Variants in RASA3 observed in about 807,000 individuals in gnomAD.
RASA3 encodes the protein ras GTPase-activating protein 3.
A neutral mutation model predicts 110.0 loss-of-function variants in RASA3; 73 were observed. The ratio of observed to expected loss-of-function variants is 0.66; its 90% CI spans 0.55 to 0.81. The LOEUF (loss-of-function observed/expected upper bound fraction) is 0.81, where lower values mean the gene tolerates loss of function less well. Ranked by LOEUF, RASA3 falls within the 30% of genes least tolerant of loss-of-function variation. The pLI is 0.00. For synonymous variants in RASA3, 500 were observed against 451.4 expected (o/e 1.11, Z -1.37); for missense variants, 976 against 1,113.2 (o/e 0.88, Z 1.75).
rs1230901052 is a variant in RASA3, at chr13:114,010,504, G to C, written c.1590+667C>G. Among the ~76,000 whole-genome samples the C allele has an allele frequency of 5.9e-5, 9 of 151,500 alleles. No homozygotes were observed. In the East Asian group the frequency reaches 1.8e-3, roughly 30 times the overall value. The stretch of plus-strand genomic sequence containing the variant: ...CAGATGCCTGAGGGACTCCTGACCT[G>C]GTGGCACCAGATCCAGTCTGAAGGG... On this transcript the variant is annotated intron_variant, in intron 16 of 23. Transcript: ENST00000334062.
intron 21 of RASA3, among the ~76,000 whole-genome samples, chr13:113,994,326 T>C (rs1428141565): frequency 2.0e-5 from 3 of 152,224 alleles, no homozygotes; most frequent in Non-Finnish European, 4.4e-5. Context: ...CACTTATTCA[T>C]GTTCAACCAT....
chr13:114,042,653 G>A (rs576324129), intron 3 of RASA3, among the ~76,000 whole-genome samples: 3 of 152,350 alleles, frequency 2.0e-5, no homozygotes, highest in African/African-American at 7.2e-5. Context: ...CTCACGCCAG[G>A]ACAGCGCAGC....
intron 1 of RASA3, among the ~76,000 whole-genome samples, chr13:114,130,689 G>C (rs951733144): frequency 1.3e-5 from 2 of 152,222 alleles, no homozygotes; most frequent in African/African-American, 4.8e-5. Context: ...GCCGTGGCCT[G>C]AAGTGTAGCC....
intron 4 of RASA3, among the ~76,000 whole-genome samples, chr13:114,040,302 G>A (rs1594370617): frequency 1.3e-5 from 2 of 148,914 alleles, no homozygotes; most frequent in African/African-American, 2.5e-5. Context: ...GGCAGAGACC[G>A]CGCTCACTCC....
At chr13:114,113,955 G>C (rs1344711178) in intron 1 of RASA3, among the ~76,000 whole-genome samples, 1 of 53,562 alleles carries the variant, frequency 1.9e-5, no homozygotes, top group Non-Finnish European at 3.4e-5. Flanking sequence ...CTCACACCGC[G>C]TCCATCAGTC....
chr13:114,048,083 A>G lies in RASA3; in HGVS notation c.277+3969T>C, dbSNP rs530276394. On this transcript the variant is annotated intron_variant, in intron 3 of 23. Transcript: ENST00000334062. This position sits in a 1 kb window ranked among gnomAD's most constrained non-coding sequence, Gnocchi z 4.3. ...GTAATCCCAGCACTTTGGGAGGCCG[A>G]GGTGGGCGGATCACGAGGTCAGGAG... 5.9e-5 allele frequency among the ~76,000 whole-genome samples: 9 copies of G among 152,302 alleles called. No individual in the cohort carries two copies. The highest frequency in any genetic ancestry group is 8.8e-5 in the Non-Finnish European group (6 of 68,014).
intron 15 of RASA3, among the ~76,000 whole-genome samples, chr13:114,012,820 T>C (rs1322128556): frequency 1.4e-5 from 1 of 72,490 alleles, no homozygotes. Context: ...CACTCCTCAT[T>C]CCACAAACAC....
chr13:114,119,396 G>A (rs567476524), intron 1 of RASA3, among the ~76,000 whole-genome samples: 1 of 152,158 alleles, frequency 6.6e-6, no homozygotes, highest in East Asian at 1.9e-4. Context: ...TTCAGGAAGC[G>A]GTACGGAGGT....
chr13:114,100,589 C>T (rs1032185667), intron 1 of RASA3, among the ~76,000 whole-genome samples: 4 of 152,222 alleles, frequency 2.6e-5, no homozygotes, highest in Admixed American at 6.5e-5. Context: ...GTGCAGCAGC[C>T]GGCCCTAGCA....
intron 23 of RASA3, among the ~76,000 whole-genome samples, chr13:113,980,361 TGC>T: frequency 6.8e-6 from 1 of 146,856 alleles, no homozygotes; most frequent in East Asian, 2.1e-4. Context: ...GCCATGTGTG[TGC>T]GCCTCCTCCG....
chr13:114,007,383 T>C (rs1594309141), intron 18 of RASA3, 150 bp downstream of exon 18: 1 of 347,732 alleles, frequency 2.9e-6, no homozygotes, highest in Non-Finnish European at 4.4e-6. Context: ...ACCTTACCCT[T>C]CTCCCCTCCT....
At chr13:114,072,926 G>T (rs954543518) in intron 2 of RASA3, among the ~76,000 whole-genome samples, 3 of 135,242 alleles carry the variant, frequency 2.2e-5, no homozygotes, top group African/African-American at 3.3e-5. Flanking sequence ...ACACGCTCAG[G>T]ACATTCTCTA....
chr13:114,013,574 CTG>C (rs2053695763), intron 14 of RASA3, among the ~76,000 whole-genome samples: 1 of 95,364 alleles, frequency 1.0e-5, no homozygotes, highest in Non-Finnish European at 2.1e-5. Flanking sequence ...CTCCCTATCT[CTG>C]TCTCTCTCTC....
chr13:114,002,448 G>C (rs1376607249), intron 18 of RASA3, among the ~76,000 whole-genome samples: 1 of 152,044 alleles, frequency 6.6e-6, no homozygotes, highest in Non-Finnish European at 1.5e-5. Flanking sequence ...TTGAGGACCA[G>C]CAGGACCCAG....
At chr13:113,995,859 C>T (rs1470478965) in intron 21 of RASA3, among the ~76,000 whole-genome samples, 1 of 85,378 alleles carries the variant, frequency 1.2e-5, no homozygotes, top group Non-Finnish European at 2.3e-5. Context: ...ACGGGGGGCC[C>T]GGCTGATGGG....
At chr13:114,061,221 C>T (rs939073848) in intron 2 of RASA3, among the ~76,000 whole-genome samples, 4 of 152,180 alleles carry the variant, frequency 2.6e-5, no homozygotes, top group Non-Finnish European at 5.9e-5. Context: ...CGGCCGGGGA[C>T]GCTGCCTCGA....
At chr13:114,052,381 G>A (rs951465942) in intron 2 of RASA3, among the ~76,000 whole-genome samples, 10 of 152,290 alleles carry the variant, frequency 6.6e-5, no homozygotes, top group South Asian at 4.1e-4. Context: ...TTCTGTACTG[G>A]GCTGCCTGGC....
intron 1 of RASA3, among the ~76,000 whole-genome samples, chr13:114,120,985 C>A (rs889939205): frequency 6.6e-6 from 1 of 152,246 alleles, no homozygotes; most frequent in African/African-American, 2.4e-5. Flanking sequence ...GGCTCTGGAA[C>A]AGTCCAAAGA....
intron 2 of RASA3, 115 bp from the exon 3 acceptor site, chr13:114,052,270 G>C (rs2079158205): frequency 1.5e-6 from 1 of 673,448 alleles, no homozygotes. Context: ...CCTGCACTGT[G>C]TGGCACGCAT....
Sources: gnomAD v4.1 joint callset for allele counts (sites outside exome capture counted in the v4.1 genomes callset) on GRCh38, gnomAD v4.1.1 for gene constraint, Gnocchi (gnomAD v3.1) non-coding constraint, MANE v1.5 for transcripts, NCBI Gene and HGNC (gene_info 2026-07-23, HGNC 2026-07-21) for gene names.